The following PCDHA2 variants were observed in gnomAD, a reference collection of about 807,000 sequenced individuals.
PCDHA2 encodes the protein protocadherin alpha-2.
A neutral mutation model predicts 66.0 loss-of-function variants in PCDHA2; 58 were observed. The ratio of observed to expected loss-of-function variants is 0.88; its 90% CI spans 0.71 to 1.09. The LOEUF (loss-of-function observed/expected upper bound fraction) is 1.09, where lower values mean the gene tolerates loss of function less well. Among genes scored for constraint, PCDHA2 ranks in the 50% least tolerant of loss-of-function variants. The pLI, the probability that PCDHA2 is intolerant of heterozygous loss-of-function variation, is 0.00. For missense variants in PCDHA2, 1,267 were observed against 1,242.3 expected, an observed-to-expected ratio of 1.02 and a Z score of -0.30; for synonymous variants, 634 against 554.0, an observed-to-expected ratio of 1.14 and a Z score of -2.03.
chr5:140,972,660 A>AT (rs11350929), intron 1 of PCDHA2, among the ~76,000 whole-genome samples: 2,691 of 117,234 alleles, frequency 0.023, 50 homozygotes, highest in South Asian at 0.067. Context: ...AAGAAACCAA[A>AT]TTTTTTTTTT....
At chr5:140,807,138 T>C in intron 1 of PCDHA2, 1 of 1,568,760 alleles carries the variant, frequency 6.4e-7, no homozygotes, top group Non-Finnish European at 8.6e-7. Flanking sequence ...AAGATTTCCC[T>C]TGACTTTGAG....
At chr5:140,802,808 G>T (rs782763796) in intron 1 of PCDHA2, 4 of 1,613,318 alleles carry the variant, frequency 2.5e-6, no homozygotes, top group East Asian at 4.5e-5. Context: ...AGGTGAGTGC[G>T]CGCGATGCGG....
intron 1 of PCDHA2, chr5:140,834,315 G>A: frequency 7.3e-7 from 1 of 1,374,090 alleles, no homozygotes. Flanking sequence ...TTGAAATGAA[G>A]GGATAAAAAC....
intron 1 of PCDHA2, chr5:140,807,285 A>G (rs782331571): frequency 5.0e-6 from 8 of 1,614,116 alleles, no homozygotes; most frequent in Non-Finnish European, 5.1e-6. Flanking sequence ...CAGCTCCACT[A>G]CTCGGTCTCC....
At chr5:140,956,297 G>A (rs1449094533) in intron 1 of PCDHA2, among the ~76,000 whole-genome samples, 1 of 151,928 alleles carries the variant, frequency 6.6e-6, no homozygotes, top group African/African-American at 2.4e-5. Context: ...TCATATATAT[G>A]GCTCTTATTA....
At chr5:140,925,257 C>A (rs1336613869) in intron 1 of PCDHA2, among the ~76,000 whole-genome samples, 2 of 152,110 alleles carry the variant, frequency 1.3e-5, no homozygotes, top group East Asian at 3.8e-4. Context: ...AACTTTAATT[C>A]TTGATCTGTG....
intron 1 of PCDHA2, among the ~76,000 whole-genome samples, chr5:140,943,863 G>T (rs2093580168): frequency 1.3e-5 from 2 of 152,186 alleles, no homozygotes; most frequent in Admixed American, 1.3e-4. Context: ...TCAAGAAGAG[G>T]TCTCTGAAGT....
chr5:140,891,345 G>T (rs2063056241), intron 1 of PCDHA2, among the ~76,000 whole-genome samples: 1 of 151,958 alleles, frequency 6.6e-6, no homozygotes, highest in Admixed American at 6.6e-5. Context: ...AGATTTTGGT[G>T]CATCCATCAC....
intron 1 of PCDHA2, among the ~76,000 whole-genome samples, chr5:140,923,387 G>T (rs564592920): frequency 6.6e-6 from 1 of 152,254 alleles, no homozygotes; most frequent in Admixed American, 6.5e-5. Context: ...AATTAGTTGG[G>T]CATGGTGGTG....
intron 1 of PCDHA2, chr5:140,868,241 T>C (rs1042254119): frequency 2.0e-5 from 3 of 152,140 alleles, no homozygotes; most frequent in Non-Finnish European, 4.4e-5. Flanking sequence ...TCTAGATCAA[T>C]AGACTTTTCC....
At chr5:140,813,135 G>A (rs1765233097) in intron 1 of PCDHA2, 1 of 152,140 alleles carries the variant, frequency 6.6e-6, no homozygotes, top group Admixed American at 6.5e-5. Context: ...GGAATTTTCT[G>A]TATATGTCTG....
At chr5:140,898,956 T>C (rs1352076218) in intron 1 of PCDHA2, among the ~76,000 whole-genome samples, 4 of 152,130 alleles carry the variant, frequency 2.6e-5, no homozygotes, top group Admixed American at 2.6e-4. Context: ...GAAGCAGTTG[T>C]GAATGGGAGT....
At chr5:140,932,028 G>A (rs1299372751) in intron 1 of PCDHA2, among the ~76,000 whole-genome samples, 1 of 151,864 alleles carries the variant, frequency 6.6e-6, no homozygotes, top group South Asian at 2.1e-4. Flanking sequence ...TAAGTTTACA[G>A]TATATATTAA....
intron 1 of PCDHA2, chr5:140,927,385 C>T (rs781913021): frequency 1.9e-6 from 3 of 1,614,098 alleles, no homozygotes; most frequent in Non-Finnish European, 1.7e-6. Flanking sequence ...CAGCCTAAGC[C>T]CCAGTCAGCA....
chr5:140,944,334 C>T (rs547924304), intron 1 of PCDHA2, among the ~76,000 whole-genome samples: 131 of 152,138 alleles, frequency 8.6e-4, no homozygotes, highest in African/African-American at 3.0e-3. Flanking sequence ...ATTACAAGCA[C>T]GTGCCACCAC....
intron 1 of PCDHA2, among the ~76,000 whole-genome samples, chr5:140,888,721 G>A (rs1176739860): frequency 6.6e-6 from 1 of 151,970 alleles, no homozygotes; most frequent in Non-Finnish European, 1.5e-5. Flanking sequence ...AATATTTCCA[G>A]CCCTTTGTGA....
chr5:140,803,224 C>T, intron 1 of PCDHA2: 1 of 1,613,848 alleles, frequency 6.2e-7, no homozygotes, highest in Non-Finnish European at 8.5e-7. Context: ...GGCCAGGCAC[C>T]CAAGGCCTCG....
intron 1 of PCDHA2, chr5:140,883,741 C>T (rs2153397240): frequency 6.2e-7 from 1 of 1,613,386 alleles, no homozygotes; most frequent in Non-Finnish European, 8.5e-7. Context: ...CGCTGGTCTC[C>T]TACTCGCTGG....
At chr5:140,830,198 G>A (rs2150099419) in intron 1 of PCDHA2, 1 of 1,613,708 alleles carries the variant, frequency 6.2e-7, no homozygotes, top group Non-Finnish European at 8.5e-7. Context: ...CCTGATCATC[G>A]CCATCTGCGC....
Sources: allele counts gnomAD v4.1 joint callset (sites outside exome capture counted in the v4.1 genomes callset), GRCh38; gene constraint gnomAD v4.1.1; transcripts MANE v1.5; gene names NCBI Gene and HGNC (gene_info 2026-07-23, HGNC 2026-07-21).